The following LRRC7 variants were observed in gnomAD, a reference collection of about 807,000 sequenced individuals.
LRRC7 encodes leucine rich repeat containing 7, also known as leucine-rich repeat-containing protein 7.
In LRRC7, 23 loss-of-function variants were observed where a neutral mutation model predicts 175.7. The ratio of observed to expected loss-of-function variants is 0.13; its 90% CI spans 0.09 to 0.19. LRRC7 has a LOEUF of 0.19. Among genes scored for constraint, LRRC7 ranks in the 10% least tolerant of loss-of-function variants. The pLI, the probability that LRRC7 is intolerant of heterozygous loss-of-function variation, is 1.00. For missense variants in LRRC7, 1,354 were observed against 1,904.7 expected (o/e 0.71, Z 5.38); for synonymous variants, 685 against 680.9 (o/e 1.01, Z -0.09).
intron 1 of LRRC7, among the ~76,000 whole-genome samples, chr1:69,617,547 T>TAAAAAAAAATAA (rs1649835668): frequency 1.6e-5 from 1 of 62,008 alleles, no homozygotes; most frequent in Non-Finnish European, 3.0e-5. Context: ...ATACTCACAG[T>TAAAAAAAAATAA]AAAAAAAAAA....
At chr1:70,001,368 TA>T (rs905567029) in intron 11 of LRRC7, among the ~76,000 whole-genome samples, 11 of 151,780 alleles carry the variant, frequency 7.2e-5, no homozygotes, top group Non-Finnish European at 1.3e-4. Context: ...AATAGAGAAA[TA>T]AAAAAAAGAA....
Position 70,124,026 on chromosome 1 carries a change from A to T in LRRC7, c.*2139A>T, listed in dbSNP as rs1047499117. 5.3e-5 allele frequency among the ~76,000 whole-genome samples: 8 copies of T among 152,196 alleles called. No individual in the cohort carries two copies. The highest frequency in any genetic ancestry group is 1.9e-4 in the African/African-American group (8 of 41,450). ...CCTTCTAAGACACACAGCTGAAAGG[A>T]TCATAATCCTAGTAAACACCTCTGC... On this transcript the variant is annotated 3_prime_UTR_variant, in exon 27 of 27. Coordinates refer to ENST00000651989, the MANE Select transcript of LRRC7 (RefSeq NM_001370785.2).
At chr1:69,912,864 C>G (rs1646574449) in intron 7 of LRRC7, among the ~76,000 whole-genome samples, 1 of 152,098 alleles carries the variant, frequency 6.6e-6, no homozygotes, top group South Asian at 2.1e-4. Flanking sequence ...AATTTTACAA[C>G]TTAATCTTTC....
intron 7 of LRRC7, among the ~76,000 whole-genome samples, chr1:69,872,502 G>A (rs895349227): frequency 2.6e-5 from 4 of 151,942 alleles, no homozygotes; most frequent in Admixed American, 6.6e-5. Flanking sequence ...TAAAAAGGTG[G>A]TTACTTAAAT....
chr1:69,659,218 G>A (rs1657084321), intron 1 of LRRC7, among the ~76,000 whole-genome samples: 2 of 151,896 alleles, frequency 1.3e-5, no homozygotes, highest in African/African-American at 4.8e-5. Context: ...ATAATAGAGA[G>A]GTTGCTGAGC....
At chr1:69,939,766 T>G (rs1395971205) in intron 8 of LRRC7, among the ~76,000 whole-genome samples, 2 of 152,176 alleles carry the variant, frequency 1.3e-5, no homozygotes, top group Admixed American at 1.3e-4. Context: ...ACTTGACGTT[T>G]GTAGAACAAA....
At chr1:70,019,922 A>G (rs1388252894) in intron 15 of LRRC7, among the ~76,000 whole-genome samples, 1 of 152,018 alleles carries the variant, frequency 6.6e-6, no homozygotes, top group African/African-American at 2.4e-5. Context: ...TCAAAAGAAT[A>G]TAGGGAAAAA....
chr1:70,104,208 C>T (rs1226042730), intron 25 of LRRC7, among the ~76,000 whole-genome samples: 1 of 152,188 alleles, frequency 6.6e-6, no homozygotes, highest in East Asian at 1.9e-4. Flanking sequence ...CAAACTCTGT[C>T]ATCAGTGCCA....
At chr1:69,795,375 G>GA (rs201651394) in intron 4 of LRRC7, among the ~76,000 whole-genome samples, 59,436 of 135,054 alleles carry the variant, frequency 0.44, 12,409 homozygotes, top group East Asian at 0.52. Context: ...ACACCGTCTC[G>GA]AAAAAAAAAA....
chr1:69,657,337 A>G (rs1341577830), intron 1 of LRRC7, among the ~76,000 whole-genome samples: 1 of 151,942 alleles, frequency 6.6e-6, no homozygotes, highest in South Asian at 2.1e-4. Context: ...CAATAGCACT[A>G]TCTTTTGCAT....
intron 2 of LRRC7, among the ~76,000 whole-genome samples, chr1:69,689,041 G>C (rs1177942756): frequency 6.6e-6 from 1 of 152,200 alleles, no homozygotes; most frequent in Non-Finnish European, 1.5e-5. Context: ...GTGACTTCCA[G>C]GCACCTATAA....
chr1:69,830,531 T>A (rs1347316657), intron 5 of LRRC7, among the ~76,000 whole-genome samples: 3 of 151,876 alleles, frequency 2.0e-5, no homozygotes, highest in African/African-American at 4.8e-5. Context: ...TAAGAGATTT[T>A]AAAAATTCCT....
chr1:69,856,149 T>G (rs1333350314), intron 7 of LRRC7, among the ~76,000 whole-genome samples: 1 of 152,220 alleles, frequency 6.6e-6, no homozygotes, highest in Non-Finnish European at 1.5e-5. Context: ...CCGTTATGTG[T>G]GAATTTGATC....
At chr1:69,913,551 G>A (rs557000182) in intron 7 of LRRC7, among the ~76,000 whole-genome samples, 5 of 151,866 alleles carry the variant, frequency 3.3e-5, no homozygotes, top group Admixed American at 2.6e-4. Flanking sequence ...CACTCTTGTT[G>A]CCCAGGCTGG....
intron 6 of LRRC7, among the ~76,000 whole-genome samples, chr1:69,835,940 T>A (rs1179540327): frequency 6.6e-6 from 1 of 152,068 alleles, no homozygotes; most frequent in Non-Finnish European, 1.5e-5. Context: ...ATAATTTTTC[T>A]TGTCATCTTG....
At position 70,135,850 on chromosome 1, in the gene LRRC7, T is replaced by C. The variant is rs1481641994; in HGVS notation, c.*13963T>C. Among the ~76,000 whole-genome samples, 2 of 152,358 alleles carry C rather than the reference T, an allele frequency of 1.3e-5. No individual in the cohort carries two copies. The highest frequency in any genetic ancestry group is 3.4e-3 in the Middle Eastern group (1 of 294). ...TTGGGATATAAATCTTCAGCCATAC[T>C]TGTAGAATCGTTTGACTAAGCAACG... On this transcript the variant is annotated 3_prime_UTR_variant, in exon 27 of 27. Coordinates refer to ENST00000651989, the MANE Select transcript of LRRC7 (RefSeq NM_001370785.2).
rs1666710688 is a variant in LRRC7, at chr1:70,132,498, C to T, written c.*10611C>T. Among the ~76,000 whole-genome samples the T allele has an allele frequency of 8.5e-6, 1 of 118,150 alleles. No homozygotes were observed. 77.5% of individuals were successfully genotyped at this position (118,150 alleles called of 152,430 possible). On this transcript the variant is annotated 3_prime_UTR_variant, in exon 27 of 27. Coordinates refer to ENST00000651989, the MANE Select transcript of LRRC7 (RefSeq NM_001370785.2). ...TTTTTTTTTTTGAGACGGAGTCTCA[C>T]TCTGTCATCAGGCTGGAGGCTGGAG...
At chr1:70,077,569 G>T (rs1023038235) in intron 24 of LRRC7, among the ~76,000 whole-genome samples, 4 of 152,078 alleles carry the variant, frequency 2.6e-5, no homozygotes, top group Non-Finnish European at 5.9e-5. Flanking sequence ...CAGCTACATG[G>T]TTTTTTCCTC....
chr1:70,058,959 A>C (rs1433948576), intron 23 of LRRC7, among the ~76,000 whole-genome samples: 2 of 128,304 alleles, frequency 1.6e-5, no homozygotes, highest in African/African-American at 6.0e-5. Flanking sequence ...AAAATGTTAA[A>C]TTAAAGGATA....
Sources: allele counts gnomAD v4.1 joint callset (sites outside exome capture counted in the v4.1 genomes callset), GRCh38; gene constraint gnomAD v4.1.1; transcripts MANE v1.5; gene names NCBI Gene and HGNC (gene_info 2026-07-23, HGNC 2026-07-21).